The following WASF3 variants were observed in gnomAD, a reference collection of about 807,000 sequenced individuals.
WASF3 encodes the protein WASP family member 3, also known as actin-binding protein WASF3.
In WASF3, 11 loss-of-function variants were observed where a neutral mutation model predicts 46.6. That is an observed-to-expected ratio of 0.24 (90% CI 0.15 to 0.39). The LOEUF (loss-of-function observed/expected upper bound fraction) is 0.39, where lower values mean the gene tolerates loss of function less well. WASF3 is among the 10% of genes least tolerant of loss of function. The pLI is 1.00. For synonymous variants in WASF3, 242 were observed against 259.7 expected, an observed-to-expected ratio of 0.93 and a Z score of 0.65; for missense variants, 576 against 669.8, an observed-to-expected ratio of 0.86 and a Z score of 1.55.
the WASF3 span, among the ~76,000 whole-genome samples, chr13:26,549,533 T>C: frequency 0.31 from 46,756 of 151,934 alleles, 7,539 homozygotes; most frequent in East Asian, 0.55. Context: ...AACACAACAG[T>C]CCTTTCTACA....
intron 3 of WASF3, among the ~76,000 whole-genome samples, chr13:26,648,835 A>G (rs893961546): frequency 6.6e-6 from 1 of 152,198 alleles, no homozygotes; most frequent in Non-Finnish European, 1.5e-5. Flanking sequence ...GATGGCAAGT[A>G]TAAGAGCCCC....
At chr13:26,629,082 C>T (rs528888046) in intron 2 of WASF3, among the ~76,000 whole-genome samples, 3 of 152,338 alleles carry the variant, frequency 2.0e-5, no homozygotes, top group Non-Finnish European at 2.9e-5. Flanking sequence ...GATGGGCCCA[C>T]GCTCGACGTC....
At chr13:26,553,910 C>T (rs902558270), upstream of WASF3, among the ~76,000 whole-genome samples, 1 of 151,830 alleles carries the variant, frequency 6.6e-6, no homozygotes. Context: ...GGTGTTCCTT[C>T]TACCATTCTT....
At chr13:26,627,500 A>C (rs1333139926) in intron 2 of WASF3, among the ~76,000 whole-genome samples, 2 of 152,286 alleles carry the variant, frequency 1.3e-5, no homozygotes, top group East Asian at 3.9e-4. Context: ...ACCTATACCT[A>C]GTCAAAGTTT....
At chr13:26,559,808 CT>C (rs770616922) in intron 1 of WASF3, among the ~76,000 whole-genome samples, 193 of 73,420 alleles carry the variant, frequency 2.6e-3, no homozygotes, top group East Asian at 8.9e-3. Flanking sequence ...TTCTTTCTTT[CT>C]TTTTTTTTTT....
intron 3 of WASF3, among the ~76,000 whole-genome samples, chr13:26,654,898 A>G (rs1413293357): frequency 3.9e-5 from 6 of 152,164 alleles, no homozygotes; most frequent in African/African-American, 1.4e-4. Flanking sequence ...AGAGGAAAAA[A>G]CTTTAAGCCC....
chr13:26,678,058 C>G (rs1451678930), intron 7 of WASF3, among the ~76,000 whole-genome samples: 1 of 152,048 alleles, frequency 6.6e-6, no homozygotes, highest in African/African-American at 2.4e-5. Flanking sequence ...TATAGTCTGC[C>G]TTTGTATTTA....
intron 2 of WASF3, among the ~76,000 whole-genome samples, chr13:26,626,925 TCAA>T (rs1353833709): frequency 6.6e-6 from 1 of 152,184 alleles, no homozygotes. Context: ...GTTGACGTCT[TCAA>T]CAACTCCTCT....
chr13:26,576,314 C>G (rs995950364), intron 1 of WASF3, among the ~76,000 whole-genome samples: 3 of 152,042 alleles, frequency 2.0e-5, no homozygotes, highest in African/African-American at 7.3e-5. Flanking sequence ...TCAAGCCACT[C>G]CTGTTTCATT....
Position 26,606,245 on chromosome 13 carries a change from A to G in WASF3, c.-108-6716A>G, listed in dbSNP as rs1020275217. Among the ~76,000 whole-genome samples, 14 of 152,240 alleles carry G rather than the reference A, an allele frequency of 9.2e-5. 1 individual carries two copies. Among genetic ancestry groups the G allele is most frequent in the Admixed American group, 3.3e-4 (5 of 15,284 alleles). ...TCACAGGAGACAGACAGGTGGATAC[A>G]CACACACTTTATTTCAGGAGCAAGT... On this transcript the variant is annotated intron_variant, in intron 1 of 9. Transcript: ENST00000335327.
intron 2 of WASF3, among the ~76,000 whole-genome samples, chr13:26,634,417 T>C: frequency 6.6e-6 from 1 of 152,236 alleles, no homozygotes. Context: ...TACAGCACAC[T>C]GATGGGTCTT....
intron 1 of WASF3, chr13:26,577,419 ATGACT>A: frequency 1.3e-6 from 1 of 790,070 alleles, no homozygotes. Context: ...GTGCAGAAAA[ATGACT>A]TGAAAGAAGT....
At chr13:26,631,436 C>G (rs914416245) in intron 2 of WASF3, among the ~76,000 whole-genome samples, 63 of 152,286 alleles carry the variant, frequency 4.1e-4, no homozygotes, top group Non-Finnish European at 5.0e-4. Flanking sequence ...GGAATCCTTT[C>G]TCCATTTCTT....
intron 1 of WASF3, among the ~76,000 whole-genome samples, chr13:26,602,653 G>A (rs1880675137): frequency 6.6e-6 from 1 of 152,104 alleles, no homozygotes; most frequent in African/African-American, 2.4e-5. Flanking sequence ...TCCTCAGAGA[G>A]AGAAAAAGAA....
At chr13:26,676,479 A>G in intron 6 of WASF3, 70 bp from the exon 7 acceptor site, 2 of 1,541,974 alleles carry the variant, frequency 1.3e-6, no homozygotes, top group Non-Finnish European at 1.8e-6. Flanking sequence ...GTGCATTATA[A>G]CTGCATTTAA....
Position 26,642,351 on chromosome 13 carries a change from A to G in WASF3, c.81A>G (p.Glu27=), listed in dbSNP as rs1281966836. The change falls in exon 3 of 10, where the codon GAA becomes GAG. Residue 27 remains glutamate (E), a synonymous_variant. Transcript: ENST00000335327. ...CTGAAGGGATTACCAGCGAACTTGA[A>G]TGTGTAACCAATAGTACTCTTGCCG... The part of the protein sequence containing the change: ...ALPEGITSEL[E]CVTNSTLAAI... 1.2e-6 allele frequency: 2 copies of G among 1,612,480 alleles called. No homozygotes were observed. The highest frequency in any genetic ancestry group is 2.2e-5 in the South Asian group (2 of 90,706).
At chr13:26,559,777 T>TTTTTC (rs1555246376) in intron 1 of WASF3, among the ~76,000 whole-genome samples, 9 of 138,328 alleles carry the variant, frequency 6.5e-5, no homozygotes, top group African/African-American at 1.8e-4. Context: ...CTTGAATCTC[T>TTTTTC]TTTTCTTTTC....
At chr13:26,552,677 A>T in the WASF3 span, among the ~76,000 whole-genome samples, 1 of 152,192 alleles carries the variant, frequency 6.6e-6, no homozygotes, top group Admixed American at 6.5e-5. Context: ...ATGCTTTTAA[A>T]ATTTGATTTC....
In WASF3 at chr13:26,667,638, G is replaced by A. The variant is rs749123186; in HGVS notation, c.390G>A (p.Lys130=). The A allele has an allele frequency of 1.2e-6, 2 of 1,614,048 alleles. No individual in the cohort carries two copies. The highest frequency in any genetic ancestry group is 1.7e-6 in the Non-Finnish European group (2 of 1,179,994). Residue 130 remains lysine (K), a synonymous_variant, in exon 5 of 10, where the codon AAG becomes AAA. Transcript: ENST00000335327. The stretch of plus-strand genomic sequence containing the variant: ...CTGATATTTACAACCAGAGTGATAA[G>A]CCACCGCCTCTGAACATCCTGACAC... ...PVADIYNQSD[K]PPPLNILTPY...
Sources: allele counts gnomAD v4.1 joint callset (sites outside exome capture counted in the v4.1 genomes callset), GRCh38; gene constraint gnomAD v4.1.1; transcripts MANE v1.5; gene names NCBI Gene and HGNC (gene_info 2026-07-23, HGNC 2026-07-21).